The following LARP4B variants were observed in gnomAD, a reference collection of about 807,000 sequenced individuals.
LARP4B encodes La ribonucleoprotein 4B, also known as la-related protein 4B.
LARP4B carries 12 observed loss-of-function variants against 89.8 expected under a neutral mutation model. The ratio of observed to expected loss-of-function variants is 0.13; its 90% CI spans 0.09 to 0.22. LARP4B has a LOEUF of 0.22. Among genes scored for constraint, LARP4B ranks in the 10% least tolerant of loss-of-function variants. The pLI is 1.00. For synonymous variants in LARP4B, 367 were observed against 363.3 expected, an observed-to-expected ratio of 1.01 and a Z score of -0.12; for missense variants, 757 against 947.7, an observed-to-expected ratio of 0.80 and a Z score of 2.64.
At chr10:935,894 GTT>G (rs545562138), upstream of LARP4B, among the ~76,000 whole-genome samples, 1 of 142,978 alleles carries the variant, frequency 7.0e-6, no homozygotes, top group Non-Finnish European at 1.5e-5. Context: ...AATTTTTGTT[GTT>G]TTTTTTTTTT....
At chr10:895,078 C>T (rs35394603) in intron 1 of LARP4B, among the ~76,000 whole-genome samples, 23,197 of 151,974 alleles carry the variant, frequency 0.15, 1,929 homozygotes, top group Non-Finnish European at 0.19. Flanking sequence ...CCCAGCTACT[C>T]GAGAGGCTAA....
Position 814,312 on chromosome 10 carries a change from G to C in LARP4B, c.1929+430C>G, listed in dbSNP as rs1355995667. The C allele has an allele frequency of 6.7e-6, 2 of 299,180 alleles. No individual in the cohort carries two copies. Among genetic ancestry groups the C allele is most frequent in the African/African-American group, 4.5e-5 (2 of 44,344 alleles). The allele number at this position is 299,180 out of a possible 1,614,324, so 18.5% of individuals were successfully genotyped here. The stretch of plus-strand genomic sequence containing the variant: ...AAACAGCAGAAAGGAAGTCGCTGGG[G>C]TTCAGGCCTGCTGGGCCCACAGGGG... On this transcript the variant is annotated intron_variant, in intron 17 of 17. Transcript: ENST00000316157. The surrounding 1 kb of genome is among the most constrained non-coding windows in gnomAD (Gnocchi z 4.4).
At chr10:935,041 C>A (rs117339259), upstream of LARP4B, among the ~76,000 whole-genome samples, 13 of 152,230 alleles carry the variant, frequency 8.5e-5, no homozygotes, top group African/African-American at 2.4e-4. Flanking sequence ...ACCCTTCACA[C>A]GCTAGTCCCA....
At chr10:966,766 T>C in the LARP4B span, among the ~76,000 whole-genome samples, 3 of 152,154 alleles carry the variant, frequency 2.0e-5, no homozygotes, top group Admixed American at 6.5e-5. Context: ...AGAAGGTGTG[T>C]TCTCTGGACC....
the LARP4B span, among the ~76,000 whole-genome samples, chr10:962,082 C>T: frequency 7.2e-5 from 11 of 152,150 alleles, no homozygotes; most frequent in Admixed American, 6.6e-5. Context: ...CACCTGAGGT[C>T]GGGAGTTCGA....
chr10:955,213 C>T, the LARP4B span, among the ~76,000 whole-genome samples: 2 of 152,222 alleles, frequency 1.3e-5, no homozygotes, highest in African/African-American at 4.8e-5. This position sits in a 1 kb window ranked among gnomAD's most constrained non-coding sequence, Gnocchi z 5.2. Context: ...CAGGGGGCTT[C>T]TGAGGTGGTG....
upstream of LARP4B, among the ~76,000 whole-genome samples, chr10:932,020 C>G (rs1342546774): frequency 6.7e-6 from 1 of 148,720 alleles, no homozygotes; most frequent in East Asian, 2.0e-4. Context: ...GCGACCGGAG[C>G]GCCTGACGCT....
In LARP4B at chr10:838,316, G is replaced by A. The variant is rs1023221765; in HGVS notation, c.647-1810C>T. 8.5e-5 allele frequency among the ~76,000 whole-genome samples: 13 copies of A among 152,060 alleles called. 1 individual carries two copies. The highest frequency in any genetic ancestry group is 3.9e-4 in the Admixed American group (6 of 15,266). ...AAACTTCTGCTTCGTGAAAGGCAAC[G>A]TCAACAGGATGAGAAGCCATTGACT... On this transcript the variant is annotated intron_variant, in intron 7 of 17. Coordinates refer to ENST00000316157, the MANE Select transcript of LARP4B (RefSeq NM_015155.3).
chr10:936,865 T>G, the LARP4B span, among the ~76,000 whole-genome samples: 2 of 152,122 alleles, frequency 1.3e-5, no homozygotes, highest in Admixed American at 1.3e-4. Context: ...GGTGGAAGTA[T>G]TAAAATGAAG....
intron 14 of LARP4B, chr10:819,472 C>T (rs1832230298): frequency 6.6e-6 from 1 of 152,264 alleles, no homozygotes; most frequent in African/African-American, 2.4e-5. Flanking sequence ...GAAAAAGCGT[C>T]TGGACCTTTC....
At chr10:938,708 G>C in the LARP4B span, among the ~76,000 whole-genome samples, 1 of 152,142 alleles carries the variant, frequency 6.6e-6, no homozygotes, top group African/African-American at 2.4e-5. Flanking sequence ...GTGTCTGTAT[G>C]TATATGTCTA....
intron 5 of LARP4B, among the ~76,000 whole-genome samples, chr10:856,520 A>G (rs1834310762): frequency 6.6e-6 from 1 of 152,232 alleles, no homozygotes; most frequent in Non-Finnish European, 1.5e-5. Context: ...AAGCGATCAC[A>G]ACATATGGAG....
At chr10:857,530 G>T (rs1246578470) in intron 5 of LARP4B, among the ~76,000 whole-genome samples, 1 of 152,184 alleles carries the variant, frequency 6.6e-6, no homozygotes, top group African/African-American at 2.4e-5. Flanking sequence ...CCAAGTGGGA[G>T]CACTCTTTGG....
At chr10:813,387 G>C (rs1217417351) in intron 17 of LARP4B, among the ~76,000 whole-genome samples, 174 bp from the exon 18 acceptor site, 1 of 152,234 alleles carries the variant, frequency 6.6e-6, no homozygotes, top group East Asian at 1.9e-4. Flanking sequence ...TTCCCCTGCA[G>C]CAGAACACTC....
At position 856,437 on chromosome 10, in the gene LARP4B, CT is replaced by C. The variant is rs1834305912; in HGVS notation, c.430+7305del. ...AATCTAAAAAGAACAATTAACAACT[CT>C]TCTTAGATCCTACGTAAAGTCACAA... On this transcript the variant is annotated intron_variant, in intron 5 of 17. Coordinates refer to ENST00000316157, the MANE Select transcript of LARP4B (RefSeq NM_015155.3). 2.0e-5 allele frequency among the ~76,000 whole-genome samples: 3 copies of C among 152,244 alleles called. No homozygotes were observed. The South Asian group carries it at 6.2e-4, about 31-fold the overall frequency.
chr10:961,789 C>T, the LARP4B span, among the ~76,000 whole-genome samples: 1 of 152,202 alleles, frequency 6.6e-6, no homozygotes, highest in Non-Finnish European at 1.5e-5. Context: ...CTCTCTCATT[C>T]CTGCCAGGAC....
intron 1 of LARP4B, among the ~76,000 whole-genome samples, chr10:901,137 G>C (rs1418417728): frequency 6.8e-6 from 1 of 147,326 alleles, no homozygotes; most frequent in Non-Finnish European, 1.5e-5. Context: ...GCCTGGTTTC[G>C]AACTCCTGAC....
At chr10:973,964 C>A in the LARP4B span, among the ~76,000 whole-genome samples, 1 of 152,110 alleles carries the variant, frequency 6.6e-6, no homozygotes, top group Non-Finnish European at 1.5e-5. Flanking sequence ...GTGGGAATAA[C>A]CTTAGGAAGT....
At chr10:892,397 T>C (rs1345483323) in intron 1 of LARP4B, among the ~76,000 whole-genome samples, 1 of 152,228 alleles carries the variant, frequency 6.6e-6, no homozygotes, top group Non-Finnish European at 1.5e-5. Flanking sequence ...TTTCTTTTCA[T>C]GTACACCAGA....
Sources: gnomAD v4.1 joint callset for allele counts (sites outside exome capture counted in the v4.1 genomes callset) on GRCh38, gnomAD v4.1.1 for gene constraint, Gnocchi (gnomAD v3.1) non-coding constraint, MANE v1.5 for transcripts, NCBI Gene and HGNC (gene_info 2026-07-23, HGNC 2026-07-21) for gene names.